Variants in BCL2L11 observed in about 807,000 individuals in gnomAD.
BCL2L11 encodes the protein bcl-2-like protein 11.
Under a neutral mutation model 20.6 loss-of-function variants are expected in BCL2L11, and 15 were observed. That is an observed-to-expected ratio of 0.73 (90% CI 0.49 to 1.12). The LOEUF (loss-of-function observed/expected upper bound fraction) is 1.12, where lower values mean the gene tolerates loss of function less well. Among genes scored for constraint, BCL2L11 ranks in the 50% most tolerant of loss-of-function variants. BCL2L11 has a pLI of 0.00. For synonymous variants in BCL2L11, 108 were observed against 92.8 expected (o/e 1.16, Z -0.94); for missense variants, 292 against 260.9 (o/e 1.12, Z -0.82).
In BCL2L11 at chr2:111,123,655, G is replaced by T. The variant is rs537554598; in HGVS notation, c.-13-78G>T. On this transcript the variant is annotated intron_variant, in intron 1 of 3. Coordinates refer to ENST00000393256, the MANE Select transcript of BCL2L11 (RefSeq NM_138621.5). ...GGATTAACCCTAAGAATTTTTAATC[G>T]CTAGGTGAGAGCTAATTTGTTTATT... 2.0e-4 allele frequency: 254 copies of T among 1,287,638 alleles called. 4 individuals are homozygous for T. The South Asian group carries it at 5.2e-3, about 26-fold the overall frequency. The allele number at this position is 1,287,638 out of a possible 1,614,324, so 79.8% of individuals were successfully genotyped here.
Position 111,150,047 on chromosome 2 carries a change from C to T in BCL2L11, c.398C>T (p.Ser133Phe), listed in dbSNP as rs1248037203. The change falls in exon 3 of 4, where the codon TCC becomes TTC. Residue 133 changes from serine to phenylalanine, a missense_variant. By Grantham distance (155) the Ser-to-Phe change is radical. Transcript: ENST00000393256. Reference protein sequence around the residue: ...AFNHYLSAMASMRQAEPADMR... With the variant: ...AFNHYLSAMAFMRQAEPADMR... ...GTTTTGTTTTGTTCTGATGCAGCTT[C>T]CATGAGGCAGGCTGAACCTGCAGAT... The T allele has an allele frequency of 6.2e-7, 1 of 1,613,630 alleles. No individual in the cohort carries two copies. The highest frequency in any genetic ancestry group is 2.2e-5 in the East Asian group (1 of 44,868).
intron 3 of BCL2L11, among the ~76,000 whole-genome samples, chr2:111,152,287 TG>T (rs1255809796): frequency 1.3e-5 from 2 of 152,192 alleles, no homozygotes; most frequent in East Asian, 3.9e-4. Context: ...CTGCCTTAGA[TG>T]GGGCTGCCTG....
At position 111,150,900 on chromosome 2, in the gene BCL2L11, TTGTTTGTG is replaced by T. The variant is rs1485262037; in HGVS notation, c.498+757_498+764del. Among the ~76,000 whole-genome samples, 118 of 126,386 alleles carry T rather than the reference TTGTTTGTG, an allele frequency of 9.3e-4. 1 individual carries two copies. The highest frequency in any genetic ancestry group is 3.5e-3 in the Middle Eastern group (1 of 288). 82.9% of individuals were successfully genotyped at this position (126,386 alleles called of 152,430 possible). ...GGGACACTTTTGTTTGTTTGTTTGT[TTGTTTGTG>T]TGTGTGTTTGTTTTTGAGACGGAGT... On this transcript the variant is annotated intron_variant, in intron 3 of 3. Coordinates refer to ENST00000393256, the MANE Select transcript of BCL2L11 (RefSeq NM_138621.5).
intron 1 of BCL2L11, chr2:111,123,143 G>A (rs2071564420): frequency 1.0e-6 from 1 of 984,850 alleles, no homozygotes. Flanking sequence ...ACGGGAGCGG[G>A]AGGGAGGGAG....
intron 1 of BCL2L11, among the ~76,000 whole-genome samples, chr2:111,121,894 G>C (rs2071050349): frequency 6.6e-6 from 1 of 152,196 alleles, no homozygotes; most frequent in Non-Finnish European, 1.5e-5. Context: ...GCGGCCGGCA[G>C]AACCTGCTCG....
rs1161599296 is a variant in BCL2L11, at chr2:111,123,880, A to G, written c.135A>G (p.Glu45=). ...SLQTEPQGNP[E]GNHGGEGDSC... ...AGACAGAGCCACAAGGTAATCCTGA[A>G]GGCAATCACGGAGGTGAAGGGGACA... The change falls in exon 2 of 4, where the codon GAA becomes GAG. Residue 45 remains glutamate, a synonymous_variant. Transcript: ENST00000393256. The G allele has an allele frequency of 6.2e-7, 1 of 1,607,704 alleles. No homozygotes were observed. The highest frequency in any genetic ancestry group is 1.1e-5 in the South Asian group (1 of 90,254).
chr2:111,152,197 C>T (rs1415187063), intron 3 of BCL2L11, among the ~76,000 whole-genome samples: 1 of 152,200 alleles, frequency 6.6e-6, no homozygotes, highest in African/African-American at 2.4e-5. Context: ...ATCTCTGAAC[C>T]TAGGCAATGA....
rs1474907982 is a variant in BCL2L11, at chr2:111,166,239, T to G, written c.*2008T>G. The G allele has an allele frequency of 6.5e-6, 1 of 152,788 alleles. No homozygotes were observed. The highest frequency in any genetic ancestry group is 1.5e-5 in the Non-Finnish European group (1 of 68,124). The allele number at this position is 152,788 out of a possible 1,614,324, so 9.5% of individuals were successfully genotyped here. On this transcript the variant is annotated 3_prime_UTR_variant, in exon 4 of 4. Transcript: ENST00000393256. ...CAGTCTCCTGACTAGAGCACTTTACTCTGTTTCCTCAGCCCTGCAGCCCCT... is the reference window on the plus strand; with the variant it reads ...CAGTCTCCTGACTAGAGCACTTTACGCTGTTTCCTCAGCCCTGCAGCCCCT...
At chr2:111,158,783 A>G (rs1045899898) in intron 3 of BCL2L11, among the ~76,000 whole-genome samples, 1 of 151,466 alleles carries the variant, frequency 6.6e-6, no homozygotes, top group Non-Finnish European at 1.5e-5. Flanking sequence ...CTGCCAGGAA[A>G]CTCTTAACTA....
intron 3 of BCL2L11, among the ~76,000 whole-genome samples, chr2:111,159,610 T>C (rs2078310369): frequency 6.6e-6 from 1 of 152,236 alleles, no homozygotes; most frequent in African/African-American, 2.4e-5. Flanking sequence ...AGCATCTGCT[T>C]CCCTGGACTG....
Position 111,146,291 on chromosome 2 carries a change from A to G in BCL2L11, c.395-3753A>G, listed in dbSNP as rs76141679. On this transcript the variant is annotated intron_variant, in intron 2 of 3. Transcript: ENST00000393256. ...AATAAAACCATTTTATAGACCAGGT[A>G]TCAACATTTACGGCGGTCAGACACA... The G allele has an allele frequency of 6.1e-4, 575 of 936,906 alleles. 6 individuals carry two copies. The African/African-American group carries it at 9.5e-3, about 16-fold the overall frequency. The allele number at this position is 936,906 out of a possible 1,614,324, so 58.0% of individuals were successfully genotyped here.
intron 3 of BCL2L11, among the ~76,000 whole-genome samples, chr2:111,156,650 T>C (rs1435721526): frequency 6.6e-6 from 1 of 152,040 alleles, no homozygotes; most frequent in Admixed American, 6.6e-5. Context: ...GTTCTGTTAC[T>C]CGTTGAAGCC....
At chr2:111,149,581 A>T (rs536698819) in intron 2 of BCL2L11, among the ~76,000 whole-genome samples, 1 of 152,164 alleles carries the variant, frequency 6.6e-6, no homozygotes, top group South Asian at 2.1e-4. Context: ...TTTGAATGGG[A>T]CAGCCATTTC....
chr2:111,135,745 G>A (rs908959840), intron 2 of BCL2L11, among the ~76,000 whole-genome samples: 3 of 152,184 alleles, frequency 2.0e-5, no homozygotes, highest in Non-Finnish European at 4.4e-5. Flanking sequence ...TGCACTGTCT[G>A]GTTCAGTGGG....
chr2:111,151,228 G>A (rs1195513244), intron 3 of BCL2L11, among the ~76,000 whole-genome samples: 1 of 152,142 alleles, frequency 6.6e-6, no homozygotes, highest in Non-Finnish European at 1.5e-5. Flanking sequence ...TAAATGTGTA[G>A]ACTTTGACTC....
In BCL2L11 at chr2:111,141,698, G is replaced by C. The variant is rs555278183; in HGVS notation, c.395-8346G>C. ...TAATAATAATAATCCCAATTCTTGT[G>C]AGTTTTTTTTTTTTTTTGAGACGGA... is the stretch of plus-strand genomic sequence containing the variant. On this transcript the variant is annotated intron_variant, in intron 2 of 3. Coordinates refer to ENST00000393256, the MANE Select transcript of BCL2L11 (RefSeq NM_138621.5). Among the ~76,000 whole-genome samples the C allele has an allele frequency of 3.4e-4, 38 of 113,176 alleles. No homozygotes were observed. In the East Asian group the frequency reaches 8.7e-3, roughly 26 times the overall value. The allele number at this position is 113,176 out of a possible 152,430, so 74.2% of individuals were successfully genotyped here. A position where few individuals can be genotyped will look rare whatever the true frequency, so the allele number is the denominator to read the frequency against.
intron 1 of BCL2L11, chr2:111,122,627 C>A: frequency 1.0e-6 from 1 of 984,276 alleles, no homozygotes; most frequent in Non-Finnish European, 1.2e-6. Flanking sequence ...GCGCAGAGCG[C>A]GAGGGGAGGA....
At chr2:111,131,179 T>C (rs1574959564) in intron 2 of BCL2L11, among the ~76,000 whole-genome samples, 3 of 125,608 alleles carry the variant, frequency 2.4e-5, no homozygotes, top group South Asian at 5.5e-4. Context: ...AATTCTGTAG[T>C]GAAACCATCT....
At chr2:111,149,157 C>G (rs1244413508) in intron 2 of BCL2L11, among the ~76,000 whole-genome samples, 1 of 152,138 alleles carries the variant, frequency 6.6e-6, no homozygotes, top group Non-Finnish European at 1.5e-5. Flanking sequence ...TAATGCTTTC[C>G]TGGTGGCACA....
Sources: allele counts gnomAD v4.1 joint callset (sites outside exome capture counted in the v4.1 genomes callset), GRCh38; gene constraint gnomAD v4.1.1; transcripts MANE v1.5; gene names NCBI Gene and HGNC (gene_info 2026-07-23, HGNC 2026-07-21).